FAM234A: variants seen among roughly 807,000 people sequenced by gnomAD.
FAM234A encodes protein FAM234A.
Under a neutral mutation model 49.1 loss-of-function variants are expected in FAM234A, and 42 were observed. The ratio of observed to expected loss-of-function variants is 0.86; its 90% confidence interval spans 0.67 to 1.11. The LOEUF is 1.11. Among genes scored for constraint, FAM234A ranks in the 50% least tolerant of loss-of-function variants. FAM234A has a pLI of 0.00. For missense variants in FAM234A, 815 were observed against 745.2 expected (o/e 1.09, Z -1.09); for synonymous variants, 369 against 316.2 (o/e 1.17, Z -1.77).
intron 3 of FAM234A, 44 bp from the exon 4 acceptor site, chr16:259,439 C>A: frequency 8.8e-7 from 1 of 1,142,592 alleles, no homozygotes; most frequent in Non-Finnish European, 1.3e-6. Context: ...TTCCTGGAAA[C>A]CAGGCATGGC....
chr16:246,303 CGAG>C lies in FAM234A; in HGVS notation c.-139-3244_-139-3242del, dbSNP rs1265246687. On this transcript the variant is annotated intron_variant, in intron 1 of 12. Coordinates refer to ENST00000399932, the MANE Select transcript of FAM234A (RefSeq NM_032039.4). Reference sequence around the variant, plus strand: ...GGTGGATTTTTTTTTTTTTTTGTGACGAGGTCTCACTCTCACCCAGGCTGGAGC... The same window carrying C: ...GGTGGATTTTTTTTTTTTTTTGTGACGTCTCACTCTCACCCAGGCTGGAGC... Among the ~76,000 whole-genome samples, 3 of 140,182 alleles carry C rather than the reference CGAG, an allele frequency of 2.1e-5. No homozygotes were observed. In the East Asian group the frequency reaches 6.2e-4, roughly 29 times the overall value. 92.0% of individuals were successfully genotyped at this position (140,182 alleles called of 152,430 possible).
Position 264,899 on chromosome 16 carries a change from C to G in FAM234A, c.1536C>G (p.Ile512Met), listed in dbSNP as rs189557540. The G allele has an allele frequency of 1.2e-6, 2 of 1,612,940 alleles. No individual in the cohort carries two copies. The highest frequency in any genetic ancestry group is 2.7e-5 in the African/African-American group (2 of 74,914). Residue 512 changes from isoleucine to methionine, a missense_variant, in exon 13 of 13, where the codon ATC (isoleucine) becomes ATG (methionine). Coordinates refer to ENST00000399932, the MANE Select transcript of FAM234A (RefSeq NM_032039.4). ...DSEAPGLVSV[I>M]KHKVRDLVPS... The stretch of plus-strand genomic sequence containing the variant: ...AGGCACCCGGCCTGGTCTCTGTGAT[C>G]AAGCACAAGGTGCGGGACCTTGTCC...
chr16:261,142 A>G, intron 5 of FAM234A: 1 of 440,044 alleles, frequency 2.3e-6, no homozygotes, highest in Non-Finnish European at 4.2e-6. Flanking sequence ...CGTTTGGCAT[A>G]TTGCCACCGA....
rs753198875 is a variant in FAM234A at position 262,551 on chromosome 16, C to T, written c.969C>T (p.His323=). Residue 323 remains histidine (H), a splice_region_variant and synonymous_variant, in exon 8 of 13, where the codon CAC becomes CAT. Transcript: ENST00000399932. ...CCACCACCCGCAGGATGCTTTCCCA[C>T]AGGTGGGTCCGGGCCGCAGCCTTTC... ...LNATTRRMLS[H]SSGAVRYLMH... is the part of the protein sequence containing the mutation. 6 of 1,598,884 alleles carry T rather than the reference C, an allele frequency of 3.8e-6. No homozygotes were observed. The South Asian group carries it at 6.7e-5, about 18-fold the overall frequency.
Position 261,441 on chromosome 16 carries a change from C to T in FAM234A, c.635C>T (p.Pro212Leu). Residue 212 changes from proline to leucine, a missense_variant, in exon 6 of 13, where the codon CCT becomes CTT. Transcript: ENST00000399932. ...AGCGGGAATGCGTCCATCCTGAGCC[C>T]TCTGCTGCAGGTGCCTGATGTGGAC... The part of the protein sequence containing the change: ...SFSGNASILS[P>L]LLQVPDVDGD... 1 of 1,613,650 alleles carries T rather than the reference C, an allele frequency of 6.2e-7. No individual in the cohort carries two copies.
At chr16:267,681 GCA>G (rs1179829806), downstream of FAM234A, among the ~76,000 whole-genome samples, 1 of 144,700 alleles carries the variant, frequency 6.9e-6, no homozygotes, top group East Asian at 2.1e-4. Flanking sequence ...CAGTACACCT[GCA>G]CACGTGCACT....
intron 1 of FAM234A, among the ~76,000 whole-genome samples, chr16:235,584 T>G (rs1012042091): frequency 2.6e-5 from 4 of 152,228 alleles, no homozygotes; most frequent in Non-Finnish European, 5.9e-5. Context: ...CTAAACCTTG[T>G]GATTCCAGCT....
At chr16:251,351 T>C (rs2050997464) in intron 2 of FAM234A, among the ~76,000 whole-genome samples, 1 of 152,148 alleles carries the variant, frequency 6.6e-6, no homozygotes, top group Non-Finnish European at 1.5e-5. Context: ...AAGTTTTTGT[T>C]TGAGCCTCTG....
intron 3 of FAM234A, among the ~76,000 whole-genome samples, chr16:256,060 GGTCT>G (rs567399687): frequency 3.3e-5 from 5 of 152,228 alleles, no homozygotes; most frequent in East Asian, 1.9e-4. Flanking sequence ...TTTGTGTCGT[GGTCT>G]GTCTGTGTCT....
Position 244,854 on chromosome 16 carries a change from A to G in FAM234A, c.-139-4695A>G, listed in dbSNP as rs558679784. On this transcript the variant is annotated intron_variant, in intron 1 of 12. Coordinates refer to ENST00000399932, the MANE Select transcript of FAM234A (RefSeq NM_032039.4). ...AGGCATGCACCACCACGCCCGGCTA[A>G]TTTTTTTTTGTATTTTTAGTAGAGA... Among the ~76,000 whole-genome samples the G allele has an allele frequency of 2.0e-3, 302 of 147,382 alleles. 1 individual carries two copies. Among genetic ancestry groups the G allele is most frequent in the South Asian group, 0.016 (73 of 4,638 alleles).
rs1344169590 is a variant in FAM234A at position 254,391 on chromosome 16, T to G, written c.-23T>G. ...GCTTTATCGACACAGTGACCAGGAGTTAAACTTTGGGATGTGCCCGTGATG... is the reference window on the plus strand; with the variant it reads ...GCTTTATCGACACAGTGACCAGGAGGTAAACTTTGGGATGTGCCCGTGATG... On this transcript the variant is annotated 5_prime_UTR_variant, in exon 3 of 13. Transcript: ENST00000399932. 6.2e-7 allele frequency: 1 copy of G among 1,611,382 alleles called. No homozygotes were observed. The highest frequency in any genetic ancestry group is 8.5e-7 in the Non-Finnish European group (1 of 1,178,488).
intron 10 of FAM234A, 45 bp from the exon 11 acceptor site, chr16:263,971 C>T (rs780411385): frequency 4.4e-6 from 7 of 1,583,852 alleles, no homozygotes; most frequent in East Asian, 4.5e-5. Flanking sequence ...GAGCTTTTCC[C>T]GGTAGCCCCC....
intron 2 of FAM234A, among the ~76,000 whole-genome samples, chr16:252,462 G>A (rs967730078): frequency 2.0e-5 from 3 of 151,818 alleles, no homozygotes; most frequent in Non-Finnish European, 4.4e-5. Flanking sequence ...GATTACAGCC[G>A]TGAGCCACCG....
At chr16:262,846 G>A (rs1367184071) in intron 8 of FAM234A, among the ~76,000 whole-genome samples, 1 of 147,342 alleles carries the variant, frequency 6.8e-6, no homozygotes, top group African/African-American at 2.5e-5. Flanking sequence ...TTAAGACGGA[G>A]TCTTGCCCTG....
intron 1 of FAM234A, among the ~76,000 whole-genome samples, chr16:239,081 C>CA (rs1472267525): frequency 1.7e-4 from 23 of 139,298 alleles, no homozygotes; most frequent in African/African-American, 5.7e-4. Context: ...GCCTACGTCT[C>CA]AAAAATAAAA....
At chr16:237,222 G>A (rs901061057) in intron 1 of FAM234A, among the ~76,000 whole-genome samples, 1 of 151,892 alleles carries the variant, frequency 6.6e-6, no homozygotes, top group African/African-American at 2.4e-5. Context: ...TTTCTTTTCA[G>A]GCTCCTTGCT....
chr16:244,229 A>C (rs537914832), intron 1 of FAM234A, among the ~76,000 whole-genome samples: 3 of 152,248 alleles, frequency 2.0e-5, no homozygotes, highest in African/African-American at 7.2e-5. Flanking sequence ...TGGCCTCCCA[A>C]AGTGCTGGGA....
At position 250,993 on chromosome 16, in the gene FAM234A, A is replaced by G. The variant is rs371968480; in HGVS notation, c.-34+1339A>G. On this transcript the variant is annotated intron_variant, in intron 2 of 12. Coordinates refer to ENST00000399932, the MANE Select transcript of FAM234A (RefSeq NM_032039.4). The stretch of plus-strand genomic sequence containing the variant: ...TGTTTTTGAGAAGGAGTCTCCCTCT[A>G]TTGCCCAGGCTGGAGTGCAATGGTG... Among the ~76,000 whole-genome samples, 146 of 152,174 alleles carry G rather than the reference A, an allele frequency of 9.6e-4. 1 individual carries two copies. The South Asian group carries it at 0.017, about 18-fold the overall frequency.
chr16:249,448 C>T (rs1288369912), intron 1 of FAM234A, 101 bp from the exon 2 acceptor site: 1 of 151,988 alleles, frequency 6.6e-6, no homozygotes, highest in African/African-American at 2.4e-5. Context: ...TCATGTGGAG[C>T]CACCACTGAG....
Sources: allele counts gnomAD v4.1 joint callset (sites outside exome capture counted in the v4.1 genomes callset), GRCh38; gene constraint gnomAD v4.1.1; transcripts MANE v1.5; gene names NCBI Gene and HGNC (gene_info 2026-07-23, HGNC 2026-07-21).